The following CACNA2D3 variants were observed in gnomAD, a reference collection of about 807,000 sequenced individuals.
CACNA2D3 encodes the protein voltage-dependent calcium channel subunit alpha-2/delta-3.
A neutral mutation model predicts 160.6 loss-of-function variants in CACNA2D3; 60 were observed. That is an observed-to-expected ratio of 0.37 (90% confidence interval 0.30 to 0.46). CACNA2D3 has a LOEUF of 0.46. Ranked by LOEUF, CACNA2D3 falls within the 20% of genes least tolerant of loss-of-function variation. CACNA2D3 has a pLI of 1.00. For synonymous variants in CACNA2D3, 558 were observed against 492.9 expected (o/e 1.13, Z -1.75); for missense variants, 1,205 against 1,365.0 (o/e 0.88, Z 1.85).
chr3:54,949,189 G>A (rs993581151), intron 27 of CACNA2D3, among the ~76,000 whole-genome samples: 1 of 152,102 alleles, frequency 6.6e-6, no homozygotes, highest in African/African-American at 2.4e-5. Flanking sequence ...ATATAGTTTT[G>A]GTCAGTGCCT....
intron 2 of CACNA2D3, among the ~76,000 whole-genome samples, chr3:54,243,030 G>T (rs955957918): frequency 6.6e-6 from 1 of 152,198 alleles, no homozygotes. Context: ...GGAGATTTGG[G>T]TCCGGGTGAA....
At chr3:54,422,751 T>C (rs9817603) in intron 4 of CACNA2D3, among the ~76,000 whole-genome samples, 51,684 of 151,978 alleles carry the variant, frequency 0.34, 9,108 homozygotes, top group East Asian at 0.43. Flanking sequence ...TGCAGATCCA[T>C]TTTGCAGAAG....
chr3:54,386,495 A>G (rs1314837401), intron 3 of CACNA2D3, among the ~76,000 whole-genome samples: 1 of 152,194 alleles, frequency 6.6e-6, no homozygotes, highest in Non-Finnish European at 1.5e-5. Context: ...ATGTGTACAT[A>G]ACAATAAATA....
Position 54,189,814 on chromosome 3 carries a change from C to G in CACNA2D3, c.204+66220C>G, listed in dbSNP as rs1298813885. Among the ~76,000 whole-genome samples the G allele has an allele frequency of 2.0e-5, 3 of 152,180 alleles. No individual in the cohort carries two copies. In the East Asian group the frequency reaches 5.8e-4, roughly 29 times the overall value. Reference sequence around the variant, plus strand: ...CAGCTACAATTCAAACGTGTTGTGCCTTCACCTTAGATTGTTTACAAAAGG... The same window carrying G: ...CAGCTACAATTCAAACGTGTTGTGCGTTCACCTTAGATTGTTTACAAAAGG... On this transcript the variant is annotated intron_variant, in intron 2 of 37. Transcript: ENST00000474759.
At chr3:54,847,457 C>T (rs1200232345) in intron 17 of CACNA2D3, among the ~76,000 whole-genome samples, 1 of 152,186 alleles carries the variant, frequency 6.6e-6, no homozygotes, top group East Asian at 1.9e-4. Context: ...GCAGTGCCTG[C>T]TATTCAAATG....
chr3:54,704,845 C>T (rs1700828938), intron 11 of CACNA2D3, among the ~76,000 whole-genome samples: 1 of 152,110 alleles, frequency 6.6e-6, no homozygotes, highest in African/African-American at 2.4e-5. Context: ...CCCTCCTACC[C>T]AACACCATTA....
chr3:54,990,236 G>T (rs557741025), intron 31 of CACNA2D3, among the ~76,000 whole-genome samples: 1 of 152,098 alleles, frequency 6.6e-6, no homozygotes, highest in Admixed American at 6.5e-5. Context: ...CAGTCCTAAA[G>T]AAACAAATTT....
chr3:54,183,885 C>CAAAAAGG (rs1559874891), intron 2 of CACNA2D3, among the ~76,000 whole-genome samples: 1 of 45,290 alleles, frequency 2.2e-5, no homozygotes, highest in Non-Finnish European at 4.1e-5. Flanking sequence ...AACTCCGTCT[C>CAAAAAGG]AAAAAAGAAA....
At chr3:54,937,367 C>T (rs1701356972) in intron 27 of CACNA2D3, among the ~76,000 whole-genome samples, 1 of 152,158 alleles carries the variant, frequency 6.6e-6, no homozygotes, top group South Asian at 2.1e-4. Flanking sequence ...ACAGTTGTCC[C>T]TCGGTATATG....
intron 2 of CACNA2D3, among the ~76,000 whole-genome samples, chr3:54,232,916 G>A (rs147789438): frequency 1.3e-5 from 2 of 152,190 alleles, no homozygotes; most frequent in African/African-American, 2.4e-5. Context: ...GCAAAATGCT[G>A]TACTGTCATG....
At chr3:54,676,110 T>A (rs1257047887) in intron 11 of CACNA2D3, among the ~76,000 whole-genome samples, 1 of 152,174 alleles carries the variant, frequency 6.6e-6, no homozygotes, top group South Asian at 2.1e-4. Context: ...TTTAGTAACA[T>A]CAACCACGCA....
At chr3:55,009,529 C>T (rs1703165761) in intron 34 of CACNA2D3, 86 bp downstream of exon 34, 1 of 1,250,528 alleles carries the variant, frequency 8.0e-7, no homozygotes. Flanking sequence ...TGTGCTGGCT[C>T]ACAGAAAATT....
intron 4 of CACNA2D3, among the ~76,000 whole-genome samples, chr3:54,448,032 C>T (rs565316410): frequency 1.3e-5 from 2 of 152,308 alleles, no homozygotes; most frequent in South Asian, 4.1e-4. Flanking sequence ...AAGGAGACAT[C>T]TGGCTTCAGG....
chr3:55,032,804 T>C (rs1703710338), intron 35 of CACNA2D3, among the ~76,000 whole-genome samples: 1 of 152,110 alleles, frequency 6.6e-6, no homozygotes, highest in Non-Finnish European at 1.5e-5. Context: ...ATTTAATTCA[T>C]TGTAGACAGG....
intron 2 of CACNA2D3, among the ~76,000 whole-genome samples, chr3:54,283,916 A>C (rs1307501792): frequency 6.6e-6 from 1 of 152,096 alleles, no homozygotes; most frequent in East Asian, 1.9e-4. Flanking sequence ...TACAAAAATT[A>C]GCTGAGTGTG....
intron 2 of CACNA2D3, among the ~76,000 whole-genome samples, chr3:54,135,600 G>T (rs1015848244): frequency 6.6e-6 from 1 of 152,216 alleles, no homozygotes; most frequent in Non-Finnish European, 1.5e-5. Context: ...ATATTGTGTT[G>T]TGAGGCTTTT....
chr3:54,412,473 CTTTTAGA>C (rs1699684374), intron 4 of CACNA2D3, among the ~76,000 whole-genome samples: 1 of 151,746 alleles, frequency 6.6e-6, no homozygotes, highest in Admixed American at 6.6e-5. Flanking sequence ...ATCATTTTAT[CTTTTAGA>C]TTTTATCTTT....
chr3:54,296,685 G>A (rs3934632), intron 2 of CACNA2D3, among the ~76,000 whole-genome samples: 38,745 of 152,012 alleles, frequency 0.25, 5,082 homozygotes, highest in South Asian at 0.34. Context: ...AGAGGCTGCC[G>A]TTTGAATAAT....
chr3:54,698,097 A>C (rs1458705302), intron 11 of CACNA2D3, among the ~76,000 whole-genome samples: 1 of 152,166 alleles, frequency 6.6e-6, no homozygotes, highest in Non-Finnish European at 1.5e-5. Flanking sequence ...CAAACAATCC[A>C]AATAATATTT....
Sources: allele counts gnomAD v4.1 joint callset (sites outside exome capture counted in the v4.1 genomes callset), GRCh38; gene constraint gnomAD v4.1.1; transcripts MANE v1.5; gene names NCBI Gene and HGNC (gene_info 2026-07-23, HGNC 2026-07-21).